ATXN3: variants seen among roughly 807,000 people sequenced by gnomAD.
ATXN3 encodes ataxin 3.
ATXN3 carries 28 observed loss-of-function variants against 58.2 expected under a neutral mutation model. The observed-to-expected ratio is 0.48, with a 90% CI of 0.36 to 0.66. The LOEUF (loss-of-function observed/expected upper bound fraction) is 0.66, where lower values mean the gene tolerates loss of function less well. Among genes scored for constraint, ATXN3 ranks in the 30% least tolerant of loss-of-function variants. The pLI is 0.00. For synonymous variants in ATXN3, 113 were observed against 138.5 expected (o/e 0.82, Z 1.29); for missense variants, 321 against 422.1 (o/e 0.76, Z 2.10).
intron 2 of ATXN3, 88 bp downstream of exon 2, chr14:92,096,586 T>C (rs2065302147): frequency 8.9e-6 from 12 of 1,354,640 alleles, no homozygotes; most frequent in Non-Finnish European, 1.2e-5. Context: ...ATCGCGCCAT[T>C]GCACTCCAGC....
rs2057571918 is a variant in ATXN3, at chr14:92,059,174, G to A, written c.*5146C>T. 6.6e-6 allele frequency: 1 copy of A among 151,980 alleles called. No homozygotes were observed. The highest frequency in any genetic ancestry group is 1.5e-5 in the Non-Finnish European group (1 of 68,012). The allele number at this position is 151,980 out of a possible 1,614,324, so 9.4% of individuals were successfully genotyped here. On this transcript the variant is annotated 3_prime_UTR_variant, in exon 11 of 11. Coordinates refer to ENST00000644486, the MANE Select transcript of ATXN3 (RefSeq NM_004993.6). ...ATTAGCACTAATTCTTAAAATGCCA[G>A]ACCACTTGGAAAAAATAATAATAGC... is the stretch of plus-strand genomic sequence containing the variant.
At chr14:92,081,465 CAAAAAAAAAAAAAAAAAAAAAGAAAG>C (rs1595742708) in intron 8 of ATXN3, among the ~76,000 whole-genome samples, 2 of 82,976 alleles carry the variant, frequency 2.4e-5, no homozygotes, top group South Asian at 3.9e-4. Context: ...GACTCTGACT[CAAAAAAAAAAAAAAAAAAAAAGAAAG>C]AAAAAAAAAA....
chr14:92,103,375 T>C (rs1452600553), intron 1 of ATXN3, among the ~76,000 whole-genome samples: 5 of 152,234 alleles, frequency 3.3e-5, no homozygotes, highest in African/African-American at 1.2e-4. Context: ...TTGTTTACTT[T>C]AGATAAACAG....
intron 10 of ATXN3, among the ~76,000 whole-genome samples, chr14:92,066,464 C>A (rs991385450): frequency 1.5e-5 from 2 of 136,700 alleles, no homozygotes. Flanking sequence ...CTTCTTTTAT[C>A]ATTTCTTTTC....
At chr14:92,047,990 G>A (rs2057434637) in intron 1 of ATXN3, 1 of 152,756 alleles carries the variant, frequency 6.5e-6, no homozygotes, top group African/African-American at 2.4e-5. Flanking sequence ...CTGCTAAGCT[G>A]AGAAGATCTG....
Position 92,058,770 on chromosome 14 carries a change from C to T in ATXN3, c.*5550G>A, listed in dbSNP as rs1469335621. The T allele has an allele frequency of 6.6e-6, 1 of 152,126 alleles. No individual in the cohort carries two copies. Among genetic ancestry groups the T allele is most frequent in the Non-Finnish European group, 1.5e-5 (1 of 68,030 alleles). 9.4% of individuals were successfully genotyped at this position (152,126 alleles called of 1,614,324 possible). On this transcript the variant is annotated 3_prime_UTR_variant, in exon 11 of 11. Transcript: ENST00000644486. ...GCAGGGCTGGGTCCTGAGCAAGCGG[C>T]ACTGCCACAGTGCACTTGTATCATG...
intron 2 of ATXN3, among the ~76,000 whole-genome samples, chr14:92,046,834 T>C (rs1415261580): frequency 6.6e-6 from 1 of 152,104 alleles, no homozygotes; most frequent in African/African-American, 2.4e-5. Context: ...GGAGAGCACA[T>C]GTGTTTTTAT....
chr14:92,045,642 A>G (rs190214632), intron 2 of ATXN3, among the ~76,000 whole-genome samples: 209 of 152,334 alleles, frequency 1.4e-3, no homozygotes, highest in African/African-American at 4.2e-3. Flanking sequence ...CCTTGAGGAT[A>G]GATTTCCATG....
intron 1 of ATXN3, among the ~76,000 whole-genome samples, chr14:92,100,205 T>A (rs183613344): frequency 1.9e-4 from 29 of 152,302 alleles, no homozygotes; most frequent in African/African-American, 7.0e-4. Context: ...CTAATAATTA[T>A]GTAATGCATC....
chr14:92,058,321 G>T (rs1156704807), downstream of ATXN3: 3 of 152,156 alleles, frequency 2.0e-5, no homozygotes, highest in Admixed American at 2.0e-4. Flanking sequence ...AGACTCACAG[G>T]TGATACAGAT....
chr14:92,091,782 T>C (rs1025528931), intron 5 of ATXN3, among the ~76,000 whole-genome samples: 1 of 152,080 alleles, frequency 6.6e-6, no homozygotes, highest in Non-Finnish European at 1.5e-5. Flanking sequence ...ACTGCAGGCT[T>C]GACCTCTGTG....
At position 92,058,590 on chromosome 14, in the gene ATXN3, T is replaced by C. The variant is rs1431466671; in HGVS notation, c.*5730A>G. ...ATTATCTTTATTTAATAATCTTTGA[T>C]ATTTAAAATACAACTCATTGAACAT... On this transcript the variant is annotated 3_prime_UTR_variant, in exon 11 of 11. Coordinates refer to ENST00000644486, the MANE Select transcript of ATXN3 (RefSeq NM_004993.6). 1 of 152,264 alleles carries C rather than the reference T, an allele frequency of 6.6e-6. No individual in the cohort carries two copies. Among genetic ancestry groups the C allele is most frequent in the Non-Finnish European group, 1.5e-5 (1 of 68,054 alleles). The allele number at this position is 152,264 out of a possible 1,614,324, so 9.4% of individuals were successfully genotyped here. A position where few individuals can be genotyped will look rare whatever the true frequency, so the allele number is the denominator to read the frequency against.
chr14:92,094,604 T>A (rs960733182), intron 3 of ATXN3, among the ~76,000 whole-genome samples: 2 of 152,198 alleles, frequency 1.3e-5, no homozygotes, highest in African/African-American at 4.8e-5. Context: ...TTGCCGCTTG[T>A]AGAAAAAACA....
intron 2 of ATXN3, 41 bp downstream of exon 2, chr14:92,096,633 A>AG (rs780734968): frequency 1.9e-6 from 3 of 1,568,610 alleles, no homozygotes; most frequent in Non-Finnish European, 2.6e-6. Flanking sequence ...CAAAAAAAAA[A>AG]AAAAAAAAGA....
intron 5 of ATXN3, 36 bp downstream of exon 5, chr14:92,093,216 T>C (rs1198205663): frequency 2.1e-6 from 3 of 1,402,846 alleles, no homozygotes; most frequent in East Asian, 4.7e-5. Flanking sequence ...GGGTACAATA[T>C]AAGAAAAAAA....
intron 6 of ATXN3, among the ~76,000 whole-genome samples, chr14:92,085,661 G>C (rs1217296634): frequency 6.6e-6 from 1 of 152,164 alleles, no homozygotes; most frequent in Non-Finnish European, 1.5e-5. Flanking sequence ...AAACCTGATG[G>C]ATAGCATGGA....
Position 92,080,987 on chromosome 14 carries a change from T to C in ATXN3, c.850A>G (p.Arg284Gly). ...TACTTTTCAAAGTAGGCTTCTCGTC[T>C]CTTCCGAAGCTCTTCTGAAGTAAGA... is the stretch of plus-strand genomic sequence containing the variant. ...TNLTSEELRK[R>G]REAYFEKQQQ... Residue 284 changes from arginine (R) to glycine (G), a missense_variant, in exon 9 of 11, where the codon AGA becomes GGA. By Grantham distance (125) the Arg-to-Gly change is moderately radical (BLOSUM62 -2). Coordinates refer to ENST00000644486, the MANE Select transcript of ATXN3 (RefSeq NM_004993.6). 6.2e-7 allele frequency: 1 copy of C among 1,611,368 alleles called. No individual in the cohort carries two copies. Among genetic ancestry groups the C allele is most frequent in the Non-Finnish European group, 8.5e-7 (1 of 1,177,682 alleles).
At chr14:92,086,886 G>A (rs1443637095) in intron 6 of ATXN3, among the ~76,000 whole-genome samples, 1 of 152,132 alleles carries the variant, frequency 6.6e-6, no homozygotes, top group East Asian at 1.9e-4. Flanking sequence ...TTGAGTAGGT[G>A]AGAAGAGCTG....
intron 9 of ATXN3, among the ~76,000 whole-genome samples, chr14:92,078,727 T>G (rs1207275005): frequency 6.6e-6 from 1 of 152,226 alleles, no homozygotes; most frequent in Non-Finnish European, 1.5e-5. Flanking sequence ...TTATTATGAT[T>G]ATTATTTTAT....
Sources: allele counts gnomAD v4.1 joint callset (sites outside exome capture counted in the v4.1 genomes callset), GRCh38; gene constraint gnomAD v4.1.1; transcripts MANE v1.5; gene names NCBI Gene and HGNC (gene_info 2026-07-23, HGNC 2026-07-21).